Variants in COL28A1 observed in about 807,000 individuals in gnomAD.
COL28A1 encodes collagen type XXVIII alpha 1 chain.
In COL28A1, 161 loss-of-function variants were observed where a neutral mutation model predicts 150.2. That is an observed-to-expected ratio of 1.07 (90% CI 0.94 to 1.22). The LOEUF is 1.22. Among genes scored for constraint, COL28A1 ranks in the 50% most tolerant of loss-of-function variants. COL28A1 has a pLI of 0.00. For missense variants in COL28A1, 1,617 were observed against 1,388.3 expected (o/e 1.16, Z -2.62); for synonymous variants, 552 against 469.7 (o/e 1.18, Z -2.26).
At position 7,526,839 on chromosome 7, in the gene COL28A1, C is replaced by T. The variant is rs559208296; in HGVS notation, c.682-2590G>A. Among the ~76,000 whole-genome samples the T allele has an allele frequency of 5.5e-4, 84 of 151,964 alleles. 1 individual carries two copies. Among genetic ancestry groups the T allele is most frequent in the African/African-American group, 1.7e-3 (71 of 41,464 alleles). On this transcript the variant is annotated intron_variant, in intron 3 of 34. Coordinates refer to ENST00000399429, the MANE Select transcript of COL28A1 (RefSeq NM_001037763.3). ...TAGTAGAGACAGGGTTTCATCATGT[C>T]GGCCAGGCTGGTCTCAAACTCCTGA...
chr7:7,497,691 C>T (rs1269717213), intron 11 of COL28A1, among the ~76,000 whole-genome samples: 2 of 152,176 alleles, frequency 1.3e-5, no homozygotes, highest in African/African-American at 2.4e-5. Flanking sequence ...GAAAATCCAT[C>T]ATATGAAGAC....
chr7:7,457,830 G>C (rs77567240), intron 15 of COL28A1, among the ~76,000 whole-genome samples: 3,202 of 152,246 alleles, frequency 0.021, 85 homozygotes, highest in African/African-American at 0.065. Flanking sequence ...ACAGAGAATT[G>C]ACCGCTGGAT....
intron 27 of COL28A1, among the ~76,000 whole-genome samples, chr7:7,388,663 C>T (rs1031418655): frequency 2.6e-5 from 4 of 152,150 alleles, no homozygotes; most frequent in African/African-American, 9.7e-5. Context: ...TCCTCTCCAG[C>T]ATCTGTAGTT....
intron 9 of COL28A1, 63 bp from the exon 10 acceptor site, chr7:7,507,224 G>T: frequency 2.6e-6 from 2 of 773,406 alleles, no homozygotes; most frequent in South Asian, 1.6e-5. Context: ...AGTGATTTTA[G>T]GTAGGAGGGA....
At chr7:7,412,512 A>C (rs1783847594) in intron 27 of COL28A1, among the ~76,000 whole-genome samples, 1 of 152,126 alleles carries the variant, frequency 6.6e-6, no homozygotes, top group African/African-American at 2.4e-5. Context: ...AAAATACAAG[A>C]GGGACTAGCG....
chr7:7,477,704 G>C (rs1789021487), intron 13 of COL28A1, among the ~76,000 whole-genome samples: 1 of 152,172 alleles, frequency 6.6e-6, no homozygotes, highest in South Asian at 2.1e-4. Context: ...TAGGCAGTGT[G>C]GACCCAAACA....
At chr7:7,396,413 G>C (rs1196292754) in intron 27 of COL28A1, among the ~76,000 whole-genome samples, 1 of 152,154 alleles carries the variant, frequency 6.6e-6, no homozygotes, top group East Asian at 1.9e-4. Flanking sequence ...AGGCTTTGCT[G>C]GTTTTCATTC....
At chr7:7,386,210 T>C (rs370411894) in intron 27 of COL28A1, among the ~76,000 whole-genome samples, 4 of 152,342 alleles carry the variant, frequency 2.6e-5, no homozygotes, top group South Asian at 2.1e-4. Context: ...AATGTTTCCA[T>C]TGATTTATTT....
rs1583229356 is a variant in COL28A1, at chr7:7,370,663, T to A, written c.3066+62A>T. 4 of 1,382,776 alleles carry A rather than the reference T, an allele frequency of 2.9e-6. No homozygotes were observed. In the East Asian group the frequency reaches 9.3e-5, roughly 32 times the overall value. The allele number at this position is 1,382,776 out of a possible 1,614,324, so 85.7% of individuals were successfully genotyped here. On this transcript the variant is annotated intron_variant, in intron 33 of 34. Coordinates refer to ENST00000399429, the MANE Select transcript of COL28A1 (RefSeq NM_001037763.3). ...TGACAATGCAGGGCAGAATGATCTT[T>A]GATATGAAACAGAGAGAATACACCA...
chr7:7,413,787 G>A (rs1051569245), intron 27 of COL28A1, among the ~76,000 whole-genome samples: 3 of 152,202 alleles, frequency 2.0e-5, no homozygotes, highest in Non-Finnish European at 4.4e-5. Flanking sequence ...GGGTGGGTGG[G>A]TCAGTCATAT....
chr7:7,353,270 A>T (rs1434890880), downstream of COL28A1, among the ~76,000 whole-genome samples: 2 of 152,208 alleles, frequency 1.3e-5, no homozygotes, highest in African/African-American at 4.8e-5. Context: ...GAACAAAGAC[A>T]AGAGATCAAT....
intron 25 of COL28A1, chr7:7,431,752 G>A (rs1451437569): frequency 2.8e-6 from 1 of 361,940 alleles, no homozygotes; most frequent in African/African-American, 2.1e-5. Flanking sequence ...GACAGAGGTG[G>A]AACAGAGGGA....
intron 15 of COL28A1, among the ~76,000 whole-genome samples, chr7:7,462,634 G>T (rs183683677): frequency 3.3e-5 from 5 of 152,284 alleles, no homozygotes; most frequent in Admixed American, 3.3e-4. Context: ...CGAGGCAGAT[G>T]GACTACCTGA....
intron 6 of COL28A1, among the ~76,000 whole-genome samples, chr7:7,519,740 G>A (rs1376551847): frequency 3.9e-5 from 6 of 152,106 alleles, no homozygotes; most frequent in Admixed American, 2.0e-4. Context: ...AATCTGATAT[G>A]GAACACATAT....
intron 25 of COL28A1, among the ~76,000 whole-genome samples, chr7:7,424,235 T>A (rs1189359750): frequency 1.3e-5 from 2 of 152,106 alleles, no homozygotes; most frequent in Non-Finnish European, 2.9e-5. Context: ...ATGGGAACAT[T>A]AGGCATTTAA....
chr7:7,490,841 C>A (rs540752497), intron 11 of COL28A1, among the ~76,000 whole-genome samples, 195 bp from the exon 12 acceptor site: 1 of 152,144 alleles, frequency 6.6e-6, no homozygotes, highest in African/African-American at 2.4e-5. Flanking sequence ...CCACTAGGCA[C>A]AGTAGTCACA....
At chr7:7,414,165 G>A (rs1783940432) in intron 27 of COL28A1, among the ~76,000 whole-genome samples, 1 of 152,134 alleles carries the variant, frequency 6.6e-6, no homozygotes, top group South Asian at 2.1e-4. Context: ...GCCTCACAAT[G>A]GCTACTTGGC....
chr7:7,430,765 T>C (rs1042574096), intron 25 of COL28A1, among the ~76,000 whole-genome samples: 5 of 152,218 alleles, frequency 3.3e-5, no homozygotes, highest in African/African-American at 1.2e-4. Flanking sequence ...TTTTTAATTT[T>C]AGGATTTTGA....
intron 15 of COL28A1, among the ~76,000 whole-genome samples, chr7:7,461,837 C>T (rs905398725): frequency 2.0e-5 from 3 of 152,168 alleles, no homozygotes; most frequent in Non-Finnish European, 2.9e-5. Context: ...GGCATATACT[C>T]ATGGGAGTTA....
Sources: allele counts gnomAD v4.1 joint callset (sites outside exome capture counted in the v4.1 genomes callset), GRCh38; gene constraint gnomAD v4.1.1; transcripts MANE v1.5; gene names NCBI Gene and HGNC (gene_info 2026-07-23, HGNC 2026-07-21).